The following HEPHL1 variants were observed in gnomAD, a reference collection of about 807,000 sequenced individuals.
HEPHL1 encodes the protein hephaestin like 1.
HEPHL1 carries 123 observed loss-of-function variants against 122.0 expected under a neutral mutation model. The ratio of observed to expected loss-of-function variants is 1.01; its 90% CI spans 0.87 to 1.17. The LOEUF (loss-of-function observed/expected upper bound fraction) is 1.17. HEPHL1 is among the 50% of genes most tolerant of loss of function. HEPHL1 has a pLI of 0.00. For missense variants in HEPHL1, 1,452 were observed against 1,430.5 expected, an observed-to-expected ratio of 1.01 and a Z score of -0.24; for synonymous variants, 527 against 508.9, an observed-to-expected ratio of 1.04 and a Z score of -0.48.
chr11:94,067,533 T>TGATATGTGTGTTGGAG lies in HEPHL1; in HGVS notation c.847_862dup (p.Glu288GlyfsTer18). ...ACCTCTTCGGAAACTTCCCGGAGCC[T>TGATATGTGTGTTGGAG]GATATGTGTGTTGGAGAATCTGTGT... On this transcript the variant is annotated frameshift_variant, in exon 5 of 20. Transcript: ENST00000315765. LOFTEE classifies it high-confidence loss of function. The TGATATGTGTGTTGGAG allele has an allele frequency of 6.2e-7, 1 of 1,613,638 alleles. No individual in the cohort carries two copies.
At chr11:94,101,038 A>G (rs1946363304) in intron 13 of HEPHL1, among the ~76,000 whole-genome samples, 157 bp from the exon 14 acceptor site, 1 of 152,234 alleles carries the variant, frequency 6.6e-6, no homozygotes, top group South Asian at 2.1e-4. Context: ...AATACTACAC[A>G]ATGTTGCTCT....
intron 1 of HEPHL1, among the ~76,000 whole-genome samples, chr11:94,027,160 C>T (rs1340828135): frequency 2.6e-5 from 4 of 152,102 alleles, no homozygotes; most frequent in Admixed American, 6.5e-5. Context: ...TTCATATCGT[C>T]GTCTTCTCTC....
chr11:94,099,224 T>C (rs1946347002), intron 13 of HEPHL1, among the ~76,000 whole-genome samples: 1 of 152,254 alleles, frequency 6.6e-6, no homozygotes, highest in African/African-American at 2.4e-5. Flanking sequence ...TTAGTTTTCC[T>C]TCTAACAGTC....
intron 9 of HEPHL1, among the ~76,000 whole-genome samples, chr11:94,080,581 G>A (rs1946162612): frequency 6.6e-6 from 1 of 151,964 alleles, no homozygotes; most frequent in South Asian, 2.1e-4. Flanking sequence ...AATCTACAAG[G>A]AACTTAAACA....
At chr11:94,035,900 C>T (rs920874143) in intron 1 of HEPHL1, among the ~76,000 whole-genome samples, 1 of 152,160 alleles carries the variant, frequency 6.6e-6, no homozygotes, top group Admixed American at 6.5e-5. Context: ...CCACGCCCGG[C>T]TAATTTTTTG....
At chr11:94,052,427 G>T (rs759308460) in intron 2 of HEPHL1, among the ~76,000 whole-genome samples, 2 of 151,662 alleles carry the variant, frequency 1.3e-5, no homozygotes, top group African/African-American at 4.9e-5. Context: ...ATTATTCACT[G>T]TTGGCATATC....
At chr11:94,046,091 C>CTTTTTTTTTTTTT (rs755367459) in intron 2 of HEPHL1, among the ~76,000 whole-genome samples, 174 bp downstream of exon 2, 667 of 65,050 alleles carry the variant, frequency 0.01, 173 homozygotes, top group East Asian at 0.033. Flanking sequence ...CCCTTTCTTG[C>CTTTTTTTTTTTTT]TTTTTTTTTT....
intron 2 of HEPHL1, among the ~76,000 whole-genome samples, chr11:94,047,653 C>G (rs1324141394): frequency 6.6e-6 from 1 of 152,032 alleles, no homozygotes; most frequent in Non-Finnish European, 1.5e-5. Context: ...TTATGCTGCA[C>G]GTAGCAAGTA....
chr11:94,099,815 G>T (rs1425239023), intron 13 of HEPHL1, among the ~76,000 whole-genome samples: 1 of 152,206 alleles, frequency 6.6e-6, no homozygotes, highest in East Asian at 1.9e-4. Flanking sequence ...TCTGAGCCAG[G>T]CACCGGCTAT....
intron 13 of HEPHL1, among the ~76,000 whole-genome samples, chr11:94,096,128 C>T (rs1254979535): frequency 6.6e-6 from 1 of 152,160 alleles, no homozygotes; most frequent in African/African-American, 2.4e-5. Flanking sequence ...CCAGTTTTTG[C>T]CCATTCAGTA....
chr11:94,049,138 A>C (rs1035310313), intron 2 of HEPHL1, among the ~76,000 whole-genome samples: 4 of 145,272 alleles, frequency 2.8e-5, no homozygotes, highest in East Asian at 2.0e-4. Context: ...ACAAAAAAAA[A>C]CAAAACAAAA....
intron 13 of HEPHL1, among the ~76,000 whole-genome samples, chr11:94,096,828 G>C (rs1334780313): frequency 6.6e-6 from 1 of 152,182 alleles, no homozygotes; most frequent in East Asian, 1.9e-4. Context: ...AGTATTCTCT[G>C]ATGGTAGTTT....
chr11:94,034,318 C>T (rs980484343), intron 1 of HEPHL1, among the ~76,000 whole-genome samples: 3 of 152,272 alleles, frequency 2.0e-5, no homozygotes, highest in Non-Finnish European at 4.4e-5. Flanking sequence ...TGATCTCTAG[C>T]TCCATCATCC....
At chr11:94,055,180 G>T in intron 2 of HEPHL1, 1 of 233,172 alleles carries the variant, frequency 4.3e-6, no homozygotes, top group Non-Finnish European at 8.7e-6. Context: ...ACTCAGCTCA[G>T]CTGCCTTGGA....
rs576657786 is a variant in HEPHL1, at chr11:94,051,807, A to G, written c.415+5890A>G. Among the ~76,000 whole-genome samples the G allele has an allele frequency of 6.6e-5, 10 of 152,080 alleles. No homozygotes were observed. The East Asian group carries it at 1.9e-3, about 29-fold the overall frequency. On this transcript the variant is annotated intron_variant, in intron 2 of 19. Transcript: ENST00000315765. ...TTTTAATCCATTTTGATTTGATTTG[A>G]TTTTTGTCTATGGTGAGAGATAGGA...
At chr11:94,100,610 T>C (rs567095632) in intron 13 of HEPHL1, among the ~76,000 whole-genome samples, 23 of 152,368 alleles carry the variant, frequency 1.5e-4, no homozygotes, top group African/African-American at 5.3e-4. Context: ...ACATAAATGA[T>C]TTTATTTCCC....
intron 1 of HEPHL1, among the ~76,000 whole-genome samples, chr11:94,028,557 T>A (rs1945646105): frequency 6.6e-6 from 1 of 152,172 alleles, no homozygotes; most frequent in South Asian, 2.1e-4. Context: ...CAAGTCCCCA[T>A]CTTGTCTTTA....
rs531542747 is a variant in HEPHL1 at position 94,094,947 on chromosome 11, C to T, written c.2434+1307C>T. 6.0e-4 allele frequency among the ~76,000 whole-genome samples: 92 copies of T among 152,086 alleles called. 2 individuals carry two copies. The highest frequency in any genetic ancestry group is 2.1e-3 in the African/African-American group (89 of 41,498). On this transcript the variant is annotated intron_variant, in intron 13 of 19. Transcript: ENST00000315765. The stretch of plus-strand genomic sequence containing the variant: ...AAATATTCTACCATTCTGTAGATTA[C>T]CTGTTCACTCTGATGGTAGTTTCTT...
chr11:94,111,517 A>G lies in HEPHL1; in HGVS notation c.3209-20A>G, dbSNP rs1446942151. 1 of 1,567,300 alleles carries G rather than the reference A, an allele frequency of 6.4e-7. No individual in the cohort carries two copies. The highest frequency in any genetic ancestry group is 8.7e-7 in the Non-Finnish European group (1 of 1,149,348). On this transcript the variant is annotated intron_variant, in intron 18 of 19. Coordinates refer to ENST00000315765, the MANE Select transcript of HEPHL1 (RefSeq NM_001098672.2). ...CCCTTCTGTTGTTAATAAAACAATG[A>G]ACTTGTTTTCTTTGTGCAGACAACA...
Sources: gnomAD v4.1 joint callset for allele counts (sites outside exome capture counted in the v4.1 genomes callset) on GRCh38, gnomAD v4.1.1 for gene constraint, MANE v1.5 for transcripts, NCBI Gene and HGNC (gene_info 2026-07-23, HGNC 2026-07-21) for gene names.